NPY2R: variants seen among roughly 807,000 people sequenced by gnomAD.
NPY2R encodes neuropeptide Y receptor Y2.
Under a neutral mutation model 22.3 loss-of-function variants are expected in NPY2R, and 17 were observed. The ratio of observed to expected loss-of-function variants is 0.76; its 90% confidence interval spans 0.52 to 1.14. The LOEUF (loss-of-function observed/expected upper bound fraction) is 1.14, where lower values mean the gene tolerates loss of function less well. Ranked by LOEUF, NPY2R falls within the 50% of genes most tolerant of loss-of-function variation. The pLI is 0.00. For synonymous variants in NPY2R, 209 were observed against 183.4 expected (o/e 1.14, Z -1.13); for missense variants, 424 against 467.9 (o/e 0.91, Z 0.87).
the NPY2R span, among the ~76,000 whole-genome samples, chr4:155,183,465 T>C: frequency 6.6e-6 from 1 of 152,172 alleles, no homozygotes; most frequent in Non-Finnish European, 1.5e-5. Flanking sequence ...TGGAAGGAAA[T>C]ACACTCCAAG....
Position 155,214,081 on chromosome 4 carries a change from G to A in NPY2R, c.142G>A (p.Glu48Lys). Residue 48 changes from glutamate to lysine, a missense_variant, in exon 2 of 2, where the codon GAG becomes AAG. Glu to Lys is a moderately conservative substitution (Grantham distance 56). Coordinates refer to ENST00000329476, the MANE Select transcript of NPY2R (RefSeq NM_000910.4). ...GCTTATAGATAGTACCAAGCTGATT[G>A]AGGTACAAGTTGTTCTCATATTGGC... Reference protein sequence around the residue: ...PELIDSTKLIEVQVVLILAYC... With the variant: ...PELIDSTKLIKVQVVLILAYC... 1 of 1,614,036 alleles carries A rather than the reference G, an allele frequency of 6.2e-7. No individual in the cohort carries two copies. The highest frequency in any genetic ancestry group is 8.5e-7 in the Non-Finnish European group (1 of 1,179,910).
the NPY2R span, among the ~76,000 whole-genome samples, chr4:155,183,284 C>T: frequency 6.6e-6 from 1 of 152,192 alleles, no homozygotes; most frequent in African/African-American, 2.4e-5. Flanking sequence ...TAAACAAACG[C>T]CTCCATTTCA....
the NPY2R span, among the ~76,000 whole-genome samples, chr4:155,181,879 G>T: frequency 6.6e-6 from 1 of 152,154 alleles, no homozygotes; most frequent in Non-Finnish European, 1.5e-5. Flanking sequence ...ACTCATGGTA[G>T]TGGGTCTTTG....
the NPY2R span, among the ~76,000 whole-genome samples, chr4:155,193,158 A>T: frequency 1.3e-4 from 19 of 151,900 alleles, no homozygotes; most frequent in Admixed American, 6.6e-4. Context: ...CTCTGAGCCA[A>T]ATGTAGAACT....
chr4:155,216,523 A>G lies in NPY2R; in HGVS notation c.*1438A>G, dbSNP rs966050697. ...TTGTGAATATATTTTTAAAGCAAAA[A>G]ACTTCAACATGCATATGATATATAG... On this transcript the variant is annotated 3_prime_UTR_variant, in exon 2 of 2. Transcript: ENST00000329476. 2 of 166,502 alleles carry G rather than the reference A, an allele frequency of 1.2e-5. No individual in the cohort carries two copies. The highest frequency in any genetic ancestry group is 4.8e-5 in the African/African-American group (2 of 41,446). The allele number at this position is 166,502 out of a possible 1,614,324, so 10.3% of individuals were successfully genotyped here. A position where few individuals can be genotyped will look rare whatever the true frequency, so the allele number is the denominator to read the frequency against.
the NPY2R span, among the ~76,000 whole-genome samples, chr4:155,201,885 A>G: frequency 6.6e-6 from 1 of 152,162 alleles, no homozygotes; most frequent in Admixed American, 6.5e-5. Flanking sequence ...GCATTAACAC[A>G]TCAGTCTTAT....
the NPY2R span, among the ~76,000 whole-genome samples, chr4:155,187,657 A>G: frequency 1.3e-5 from 2 of 152,126 alleles, no homozygotes; most frequent in Non-Finnish European, 2.9e-5. Flanking sequence ...GATAATTTTC[A>G]AAATGTAAAA....
the NPY2R span, among the ~76,000 whole-genome samples, chr4:155,189,209 A>G: frequency 6.6e-6 from 1 of 152,034 alleles, no homozygotes; most frequent in African/African-American, 2.4e-5. Context: ...ACTGTACATT[A>G]TCAGTACAAT....
rs982398479 is a variant in NPY2R at position 155,216,554 on chromosome 4, A to G, written c.*1469A>G. 13 of 166,646 alleles carry G rather than the reference A, an allele frequency of 7.8e-5. No individual in the cohort carries two copies. Among genetic ancestry groups the G allele is most frequent in the African/African-American group, 2.7e-4 (11 of 41,468 alleles). The allele number at this position is 166,646 out of a possible 1,614,324, so 10.3% of individuals were successfully genotyped here. A position where few individuals can be genotyped will look rare whatever the true frequency, so the allele number is the denominator to read the frequency against. The stretch of plus-strand genomic sequence containing the variant: ...AACATGCATATGATATATAGTTACA[A>G]CATTAATTTTATGAACTGGAGAGCT... On this transcript the variant is annotated 3_prime_UTR_variant, in exon 2 of 2. Coordinates refer to ENST00000329476, the MANE Select transcript of NPY2R (RefSeq NM_000910.4).
At chr4:155,177,148 T>G in the NPY2R span, among the ~76,000 whole-genome samples, 1 of 152,204 alleles carries the variant, frequency 6.6e-6, no homozygotes, top group African/African-American at 2.4e-5. Flanking sequence ...TCCAAAATGT[T>G]AATTCATTCC....
At chr4:155,185,322 G>A in the NPY2R span, among the ~76,000 whole-genome samples, 1 of 152,088 alleles carries the variant, frequency 6.6e-6, no homozygotes, top group Non-Finnish European at 1.5e-5. Context: ...ACAGGCGTGA[G>A]CCACCGCGCC....
chr4:155,179,423 G>T, the NPY2R span, among the ~76,000 whole-genome samples: 1 of 152,140 alleles, frequency 6.6e-6, no homozygotes, highest in Non-Finnish European at 1.5e-5. Flanking sequence ...GGGACAGTTT[G>T]ATTCATTTGA....
chr4:155,214,310 A>G lies in NPY2R; in HGVS notation c.371A>G (p.His124Arg). The change falls in exon 2 of 2, where the codon CAC (histidine) becomes CGC (arginine). Residue 124 changes from histidine (H) to arginine (R), a missense_variant. His to Arg is a conservative substitution (Grantham distance 29, BLOSUM62 0). Coordinates refer to ENST00000329476, the MANE Select transcript of NPY2R (RefSeq NM_000910.4). ...TGGAAAATGGGTCCTGTCCTGTGCC[A>G]CCTGGTGCCCTATGCCCAGGGCCTG... Reference protein sequence around the residue: ...GEWKMGPVLCHLVPYAQGLAV... With the variant: ...GEWKMGPVLCRLVPYAQGLAV... 6.2e-7 allele frequency: 1 copy of G among 1,614,154 alleles called. No individual in the cohort carries two copies. Among genetic ancestry groups the G allele is most frequent in the Non-Finnish European group, 8.5e-7 (1 of 1,180,032 alleles).
chr4:155,195,936 G>A, the NPY2R span, among the ~76,000 whole-genome samples: 429 of 152,132 alleles, frequency 2.8e-3, no homozygotes, highest in Non-Finnish European at 4.8e-3. Flanking sequence ...AAATAACTCA[G>A]TGATGATAAG....
upstream of NPY2R, chr4:155,207,613 G>C (rs1248260769): frequency 6.6e-6 from 1 of 152,276 alleles, no homozygotes; most frequent in African/African-American, 2.4e-5. Context: ...GAGGAATCCC[G>C]AGGAAATAGA....
chr4:155,212,652 G>A (rs1422575909), intron 1 of NPY2R, among the ~76,000 whole-genome samples: 1 of 152,170 alleles, frequency 6.6e-6, no homozygotes, highest in Non-Finnish European at 1.5e-5. Flanking sequence ...AGCAAAAGAG[G>A]ATGGGAGGTA....
At chr4:155,194,700 C>T in the NPY2R span, among the ~76,000 whole-genome samples, 16,922 of 151,902 alleles carry the variant, frequency 0.11, 1,157 homozygotes, top group Middle Eastern at 0.2. Context: ...CTACAATAAA[C>T]ACATAAATGC....
the NPY2R span, among the ~76,000 whole-genome samples, chr4:155,192,274 C>T: frequency 2.6e-5 from 4 of 151,874 alleles, no homozygotes; most frequent in Admixed American, 6.6e-5. Flanking sequence ...TTTAAGAAGG[C>T]ATAAACAGTT....
At chr4:155,196,094 A>G in the NPY2R span, among the ~76,000 whole-genome samples, 1 of 152,062 alleles carries the variant, frequency 6.6e-6, no homozygotes, top group African/African-American at 2.4e-5. Flanking sequence ...TGGTCTTCAG[A>G]AGCTTAGGAG....
Sources: allele counts gnomAD v4.1 joint callset (sites outside exome capture counted in the v4.1 genomes callset), GRCh38; gene constraint gnomAD v4.1.1; transcripts MANE v1.5; gene names NCBI Gene and HGNC (gene_info 2026-07-23, HGNC 2026-07-21).